NBPF12: variants seen among roughly 807,000 people sequenced by gnomAD.
NBPF12 encodes NBPF member 12, also known as NBPF family member NBPF12.
In NBPF12, 115 loss-of-function variants were observed where a neutral mutation model predicts 146.4. The observed-to-expected ratio is 0.79, with a 90% CI of 0.68 to 0.92. The LOEUF (loss-of-function observed/expected upper bound fraction) is 0.92, where lower values mean the gene tolerates loss of function less well. Ranked by LOEUF, NBPF12 falls within the 40% of genes least tolerant of loss-of-function variation. The pLI, the probability that NBPF12 is intolerant of heterozygous loss-of-function variation, is 0.00. For synonymous variants in NBPF12, 385 were observed against 508.9 expected (o/e 0.76, Z 3.28); for missense variants, 1,205 against 1,326.8 (o/e 0.91, Z 1.43).
intron 2 of NBPF12, among the ~76,000 whole-genome samples, chr1:146,956,505 C>G (rs1363760398): frequency 5.3e-5 from 8 of 150,914 alleles, no homozygotes; most frequent in Admixed American, 1.3e-4. Context: ...CGAAATTATG[C>G]CTTTATAAAG....
Position 146,980,329 on chromosome 1 carries a change from T to G in NBPF12, c.2450+1319T>G, listed in dbSNP as rs1277615427. The stretch of plus-strand genomic sequence containing the variant: ...GCCCCTTTACATTTAAGGTTAATAT[T>G]GTTATGTGTGAATTTGATCCTGTCG... On this transcript the variant is annotated intron_variant, in intron 19 of 33. Coordinates refer to ENST00000617844, the Ensembl canonical transcript of NBPF12. Among the ~76,000 whole-genome samples the G allele has an allele frequency of 5.7e-3, 868 of 152,172 alleles. 14 individuals carry two copies. The highest frequency in any genetic ancestry group is 0.02 in the African/African-American group (826 of 41,430).
chr1:146,960,604 G>C (rs1171224649), intron 4 of NBPF12, among the ~76,000 whole-genome samples: 3 of 151,708 alleles, frequency 2.0e-5, no homozygotes, highest in Admixed American at 2.0e-4. Flanking sequence ...AGGCTCAATC[G>C]TGTTTTCAAG....
At chr1:146,954,001 CT>C (rs1301431867) in intron 2 of NBPF12, among the ~76,000 whole-genome samples, 2 of 146,470 alleles carry the variant, frequency 1.4e-5, no homozygotes, top group Non-Finnish European at 3.0e-5. Flanking sequence ...TGTAAGTGGT[CT>C]TTTGTATTTC....
chr1:146,981,261 C>G (rs1355394467), intron 19 of NBPF12, among the ~76,000 whole-genome samples: 1 of 109,536 alleles, frequency 9.1e-6, no homozygotes, highest in Admixed American at 1.1e-4. Context: ...CACATGTACC[C>G]TAAGACTTAA....
At position 146,949,904 on chromosome 1, in the gene NBPF12, C is replaced by T. The variant is rs1186814073; in HGVS notation, c.-326+482C>T. Among the ~76,000 whole-genome samples the T allele has an allele frequency of 4.6e-5, 7 of 151,972 alleles. No homozygotes were observed. The East Asian group carries it at 1.2e-3, about 25-fold the overall frequency. On this transcript the variant is annotated intron_variant, in intron 1 of 33. Transcript: ENST00000617844. ...CTTCTCAAGCTCCCACCTTCTCTGA[C>T]TTCATCTTCTCCAACCAGCCACACA...
Position 146,963,273 on chromosome 1 carries a change from A to G in NBPF12, c.457A>G (p.Arg153Gly), listed in dbSNP as rs1655975308. ...CCAAGAACAGCTGGCTGAGGGGTGT[A>G]GACTGGCACAGCAACTTGTCCAAAA... The change falls in exon 6 of 34, where the codon AGA becomes GGA. Residue 153 changes from arginine to glycine, a missense_variant. Physicochemically the swap from Arg to Gly is moderately radical, Grantham distance 125 (BLOSUM62 -2). This residue lies in a region of NBPF12 where 325 missense variants were observed against 236.6 expected (regional missense o/e 1.37). Coordinates refer to ENST00000617844, the Ensembl canonical transcript of NBPF12. 28 of 1,611,990 alleles carry G rather than the reference A, an allele frequency of 1.7e-5. No individual in the cohort carries two copies. In the South Asian group the frequency reaches 1.9e-4, roughly 11 times the overall value.
chr1:146,946,834 T>TA (rs1655098650), upstream of NBPF12, among the ~76,000 whole-genome samples: 1 of 151,938 alleles, frequency 6.6e-6, no homozygotes, highest in African/African-American at 2.4e-5. Flanking sequence ...CATTTACGTG[T>TA]AAGATTTATT....
rs1467777902 is a variant in NBPF12 at position 146,965,605 on chromosome 1, A to T, written c.778+501A>T. Among the ~76,000 whole-genome samples the T allele has an allele frequency of 1.1e-3, 151 of 139,840 alleles. 2 individuals are homozygous for T. The highest frequency in any genetic ancestry group is 3.8e-3 in the African/African-American group (139 of 36,546). The allele number at this position is 139,840 out of a possible 152,430, so 91.7% of individuals were successfully genotyped here. A position where few individuals can be genotyped will look rare whatever the true frequency, so the allele number is the denominator to read the frequency against. ...AGACCATCCTGGCTAACACGGTGAA[A>T]CCCCGTCTTTACTAAAAATACAAAA... On this transcript the variant is annotated intron_variant, in intron 8 of 33. Coordinates refer to ENST00000617844, the Ensembl canonical transcript of NBPF12.
upstream of NBPF12, chr1:146,949,243 C>A (rs1449487468): frequency 2.0e-5 from 3 of 151,138 alleles, no homozygotes; most frequent in African/African-American, 7.3e-5. Flanking sequence ...TTTTCCAAGT[C>A]TCTCCTTCCA....
intron 18 of NBPF12, among the ~76,000 whole-genome samples, chr1:146,978,199 A>C (rs1313136266): frequency 2.0e-5 from 3 of 146,600 alleles, no homozygotes; most frequent in Non-Finnish European, 4.5e-5. Flanking sequence ...GCAAGGCTGG[A>C]CCCTGGTTCT....
At chr1:146,939,975 A>G in intron 1 of NBPF12, among the ~76,000 whole-genome samples, 1 of 75,102 alleles carries the variant, frequency 1.3e-5, no homozygotes, top group African/African-American at 5.3e-5. Context: ...ACAGAGCGAG[A>G]CTCCCTCTAA....
Position 146,970,726 on chromosome 1 carries a change from C to G in NBPF12, c.1379+7C>G. 2 of 1,349,722 alleles carry G rather than the reference C, an allele frequency of 1.5e-6. No individual in the cohort carries two copies. Among genetic ancestry groups the G allele is most frequent in the Non-Finnish European group, 2.1e-6 (2 of 941,696 alleles). 83.6% of individuals were successfully genotyped at this position (1,349,722 alleles called of 1,614,324 possible). On this transcript the variant is annotated splice_region_variant and intron_variant, in intron 12 of 33. Coordinates refer to ENST00000617844, the Ensembl canonical transcript of NBPF12. ...TGGAATCATCTTCCCCCAGGTGACA[C>G]TGAATACTCAGGAGCAAGTAATGGG... is the stretch of plus-strand genomic sequence containing the variant.
chr1:146,966,667 A>C (rs1315155851), exon 9 of NBPF12: 1 of 1,359,990 alleles, frequency 7.4e-7, no homozygotes. Flanking sequence ...GCAGCAGAAC[A>C]AATACAGTAA....
intron 27 of NBPF12, among the ~76,000 whole-genome samples, 188 bp from the exon 31 acceptor site, chr1:146,989,386 C>T (rs1406509035): frequency 6.6e-6 from 1 of 150,440 alleles, no homozygotes; most frequent in Non-Finnish European, 1.5e-5. Flanking sequence ...CTCTCTCTGT[C>T]TTTCTCTTTC....
At chr1:146,975,080 A>T (rs1194880979) in intron 15 of NBPF12, among the ~76,000 whole-genome samples, 3 of 123,766 alleles carry the variant, frequency 2.4e-5, no homozygotes, top group African/African-American at 1.0e-4. Flanking sequence ...GTTGATGTGA[A>T]ATTTACATAA....
chr1:146,965,791 C>CAGAAA (rs1656155695), intron 8 of NBPF12, among the ~76,000 whole-genome samples: 1 of 30,054 alleles, frequency 3.3e-5, no homozygotes, highest in Non-Finnish European at 5.6e-5. Flanking sequence ...GACTGCATCT[C>CAGAAA]AAAAAAAAAA....
chr1:146,967,326 C>T (rs1656271391), intron 9 of NBPF12, among the ~76,000 whole-genome samples: 1 of 150,564 alleles, frequency 6.6e-6, no homozygotes, highest in African/African-American at 2.5e-5. Flanking sequence ...CATGGAGAAA[C>T]CCCATCTCCA....
In NBPF12 at chr1:146,968,917, C is replaced by T. The variant is rs1553886001; in HGVS notation, c.1091+367C>T. ...ATCACCTCCTGACTGACTGCGGCTT[C>T]TCATTCTTTCACTCAATGTTGCCTT... is the stretch of plus-strand genomic sequence containing the variant. On this transcript the variant is annotated intron_variant, in intron 10 of 33. Coordinates refer to ENST00000617844, the Ensembl canonical transcript of NBPF12. 5.4e-4 allele frequency among the ~76,000 whole-genome samples: 81 copies of T among 151,344 alleles called. 3 individuals are homozygous for T. The highest frequency in any genetic ancestry group is 1.9e-3 in the African/African-American group (76 of 40,722).
chr1:146,955,013 T>C (rs1172495733), intron 2 of NBPF12, among the ~76,000 whole-genome samples: 30,164 of 66,460 alleles, frequency 0.45, 7,791 homozygotes, highest in South Asian at 0.72. Context: ...TATATATATA[T>C]ACACACACAC....
Sources: allele counts gnomAD v4.1 joint callset (sites outside exome capture counted in the v4.1 genomes callset), GRCh38; gene constraint gnomAD v4.1.1; regional missense constraint gnomAD v4.1.1; transcripts MANE v1.5; gene names NCBI Gene and HGNC (gene_info 2026-07-23, HGNC 2026-07-21).